OR56A3: variants seen among roughly 807,000 people sequenced by gnomAD.
The protein encoded by OR56A3 is olfactory receptor 56A3.
A neutral mutation model predicts 17.5 loss-of-function variants in OR56A3; 23 were observed. That is an observed-to-expected ratio of 1.32 (90% CI 0.95 to 1.87). The LOEUF (loss-of-function observed/expected upper bound fraction) is 1.87, where lower values mean the gene tolerates loss of function less well. Ranked by LOEUF, OR56A3 falls within the 40% of genes most tolerant of loss-of-function variation. The probability of loss-of-function intolerance (pLI) is 0.00; values close to 1 mark genes in which losing one functional copy is unlikely to be tolerated. For synonymous variants in OR56A3, 175 were observed against 150.6 expected (o/e 1.16, Z -1.19); for missense variants, 366 against 380.1 (o/e 0.96, Z 0.31).
the OR56A3 span, chr11:5,986,397 G>A: frequency 1.2e-6 from 2 of 1,613,892 alleles, no homozygotes; most frequent in Non-Finnish European, 1.7e-6. Context: ...CCAACAAAAT[G>A]GGGAAGGGGA....
At chr11:5,988,268 C>T in the OR56A3 span, among the ~76,000 whole-genome samples, 1 of 151,976 alleles carries the variant, frequency 6.6e-6, no homozygotes, top group Non-Finnish European at 1.5e-5. Flanking sequence ...TCATCCATAA[C>T]TTTCTGACTT....
the OR56A3 span, among the ~76,000 whole-genome samples, chr11:5,972,777 T>C: frequency 1.3e-5 from 2 of 152,212 alleles, no homozygotes; most frequent in East Asian, 1.9e-4. Context: ...TACAGGCGCC[T>C]GCCACCACGC....
At chr11:5,970,465 G>A in the OR56A3 span, among the ~76,000 whole-genome samples, 9 of 152,114 alleles carry the variant, frequency 5.9e-5, no homozygotes, top group Non-Finnish European at 1.2e-4. Flanking sequence ...AATAGAATGC[G>A]GGAGGACAGG....
At chr11:6,008,277 T>C in the OR56A3 span, among the ~76,000 whole-genome samples, 2 of 152,174 alleles carry the variant, frequency 1.3e-5, no homozygotes, top group East Asian at 3.9e-4. Flanking sequence ...ACTCCTTACA[T>C]ACAGTAACTC....
At chr11:5,994,175 C>A in the OR56A3 span, 2 of 513,684 alleles carry the variant, frequency 3.9e-6, no homozygotes, top group Non-Finnish European at 3.8e-6. Flanking sequence ...ATCTGCAGGG[C>A]ATAGCAGGCC....
At chr11:5,974,491 GA>G in the OR56A3 span, among the ~76,000 whole-genome samples, 2 of 152,192 alleles carry the variant, frequency 1.3e-5, no homozygotes, top group Non-Finnish European at 2.9e-5. Flanking sequence ...GTTAGTACCA[GA>G]AGGGTACTCA....
downstream of OR56A3, among the ~76,000 whole-genome samples, chr11:5,952,155 C>A (rs1262449129): frequency 6.6e-6 from 1 of 152,066 alleles, no homozygotes; most frequent in Non-Finnish European, 1.5e-5. Context: ...AGCCTCTGAA[C>A]CTAGAATAAA....
chr11:5,975,309 A>G, the OR56A3 span, among the ~76,000 whole-genome samples: 2 of 149,616 alleles, frequency 1.3e-5, no homozygotes, highest in Non-Finnish European at 3.0e-5. Context: ...TGCACCCACT[A>G]ACTCATCATC....
At chr11:5,978,622 G>A in the OR56A3 span, among the ~76,000 whole-genome samples, 1 of 151,958 alleles carries the variant, frequency 6.6e-6, no homozygotes, top group Non-Finnish European at 1.5e-5. Flanking sequence ...TAGGCAGAGA[G>A]TATGGGGTTT....
chr11:5,970,369 A>G, the OR56A3 span, among the ~76,000 whole-genome samples: 1 of 152,230 alleles, frequency 6.6e-6, no homozygotes, highest in South Asian at 2.1e-4. Context: ...GAAGAGTTTC[A>G]GTAATGTGAG....
At chr11:5,973,420 A>T in the OR56A3 span, among the ~76,000 whole-genome samples, 2 of 152,212 alleles carry the variant, frequency 1.3e-5, no homozygotes, top group African/African-American at 4.8e-5. Flanking sequence ...TGTCTAGTAC[A>T]GTGTTTACAG....
intron 1 of OR56A3, among the ~76,000 whole-genome samples, chr11:5,942,798 C>A (rs1013049766): frequency 4.6e-5 from 7 of 152,366 alleles, no homozygotes; most frequent in African/African-American, 1.7e-4. Flanking sequence ...TGAATAATAT[C>A]TGAAACTACA....
At chr11:6,004,290 G>T in the OR56A3 span, among the ~76,000 whole-genome samples, 1 of 152,108 alleles carries the variant, frequency 6.6e-6, no homozygotes, top group Non-Finnish European at 1.5e-5. Flanking sequence ...GGGGGCGGAG[G>T]TTGCAGTGAG....
the OR56A3 span, among the ~76,000 whole-genome samples, chr11:5,980,659 G>C: frequency 6.6e-6 from 1 of 151,988 alleles, no homozygotes; most frequent in African/African-American, 2.4e-5. Context: ...ATTTTAAGTG[G>C]GGTTTTTACC....
the OR56A3 span, among the ~76,000 whole-genome samples, chr11:6,017,932 CAG>C: frequency 6.6e-6 from 1 of 151,846 alleles, no homozygotes; most frequent in African/African-American, 2.4e-5. Flanking sequence ...TCAGATTAAA[CAG>C]ATTTTAAGTC....
the OR56A3 span, among the ~76,000 whole-genome samples, chr11:5,988,329 A>T: frequency 1.3e-5 from 2 of 152,118 alleles, no homozygotes; most frequent in African/African-American, 4.8e-5. Flanking sequence ...TTAAAGAAAC[A>T]TATCTTATTA....
At chr11:6,011,349 C>T in the OR56A3 span, among the ~76,000 whole-genome samples, 1 of 152,004 alleles carries the variant, frequency 6.6e-6, no homozygotes, top group Non-Finnish European at 1.5e-5. Context: ...ACGGAATAAA[C>T]CTTCAGTGTG....
the OR56A3 span, among the ~76,000 whole-genome samples, chr11:5,964,172 A>T: frequency 6.6e-6 from 1 of 152,182 alleles, no homozygotes; most frequent in East Asian, 1.9e-4. Flanking sequence ...AAGCTTCCAT[A>T]AAATAGCTGT....
chr11:5,975,328 G>C, the OR56A3 span, among the ~76,000 whole-genome samples: 3 of 151,536 alleles, frequency 2.0e-5, no homozygotes, highest in East Asian at 5.8e-4. Context: ...TCTAGCATTA[G>C]GTATATCTCC....
Sources: gnomAD v4.1 joint callset for allele counts (sites outside exome capture counted in the v4.1 genomes callset) on GRCh38, gnomAD v4.1.1 for gene constraint, MANE v1.5 for transcripts, NCBI Gene and HGNC (gene_info 2026-07-23, HGNC 2026-07-21) for gene names.